CELF2: variants seen among roughly 807,000 people sequenced by gnomAD.
CELF2 encodes the protein CUG triplet repeat RNA-binding protein 2.
CELF2 carries 8 observed loss-of-function variants against 62.6 expected under a neutral mutation model. The ratio of observed to expected loss-of-function variants is 0.13; its 90% confidence interval spans 0.07 to 0.23. CELF2 has a LOEUF of 0.23. CELF2 is among the 10% of genes least tolerant of loss of function. The probability of loss-of-function intolerance (pLI) is 1.00; values close to 1 mark genes in which losing one functional copy is unlikely to be tolerated. For missense variants in CELF2, 333 were observed against 671.0 expected, an observed-to-expected ratio of 0.50 and a Z score of 5.56; for synonymous variants, 258 against 250.0, an observed-to-expected ratio of 1.03 and a Z score of -0.30.
intron 3 of CELF2, among the ~76,000 whole-genome samples, chr10:11,236,736 C>G (rs909221867): frequency 1.3e-5 from 2 of 152,182 alleles, no homozygotes; most frequent in African/African-American, 4.8e-5. Flanking sequence ...AATTACCCAA[C>G]CTAACTTGAA....
intron 2 of CELF2, among the ~76,000 whole-genome samples, chr10:11,194,535 C>G (rs1366679326): frequency 6.6e-6 from 1 of 152,158 alleles, no homozygotes; most frequent in Non-Finnish European, 1.5e-5. Context: ...CCTGAACATT[C>G]AGGGTCCACA....
the CELF2 span, among the ~76,000 whole-genome samples, chr10:10,633,600 G>A: frequency 2.6e-5 from 4 of 151,844 alleles, no homozygotes; most frequent in Non-Finnish European, 5.9e-5. Flanking sequence ...TCACTTTTTT[G>A]TCACATAGAA....
At chr10:10,812,532 C>T (rs1423090972) in intron 1 of CELF2, among the ~76,000 whole-genome samples, 2 of 152,106 alleles carry the variant, frequency 1.3e-5, no homozygotes, top group Admixed American at 6.6e-5. Context: ...TAAAAGTCTC[C>T]GTTCCCCAAA....
intron 2 of CELF2, among the ~76,000 whole-genome samples, chr10:10,992,287 C>A (rs1214999089): frequency 6.6e-6 from 1 of 152,184 alleles, no homozygotes; most frequent in Non-Finnish European, 1.5e-5. Flanking sequence ...GAGTTGGGCT[C>A]AAATCTCCAT....
the CELF2 span, among the ~76,000 whole-genome samples, chr10:10,690,235 G>T: frequency 1.1e-4 from 17 of 152,180 alleles, no homozygotes; most frequent in African/African-American, 3.9e-4. Context: ...CTTTGTGACT[G>T]GTTCATTATG....
At chr10:10,758,280 T>A in the CELF2 span, among the ~76,000 whole-genome samples, 1 of 152,228 alleles carries the variant, frequency 6.6e-6, no homozygotes, top group Non-Finnish European at 1.5e-5. Flanking sequence ...CTATTCTCTG[T>A]GCTGCTTGGT....
intron 2 of CELF2, among the ~76,000 whole-genome samples, chr10:11,185,375 T>C (rs1025000831): frequency 6.6e-6 from 1 of 152,028 alleles, no homozygotes; most frequent in Non-Finnish European, 1.5e-5. Flanking sequence ...CAACCTTGAA[T>C]TGCTGGGATA....
intron 2 of CELF2, among the ~76,000 whole-genome samples, chr10:10,967,393 A>G (rs1009355817): frequency 6.6e-6 from 1 of 152,216 alleles, no homozygotes; most frequent in African/African-American, 2.4e-5. Context: ...GCTTGACTGA[A>G]CACTTTCCTA....
intron 1 of CELF2, among the ~76,000 whole-genome samples, chr10:10,842,067 T>G (rs983928225): frequency 6.6e-6 from 1 of 152,128 alleles, no homozygotes; most frequent in Admixed American, 6.5e-5. Context: ...GTAAATGGTA[T>G]TTTTCATTTC....
rs1046641524 is a variant in CELF2, at chr10:11,297,249, G to A, written c.976+8697G>A. The stretch of plus-strand genomic sequence containing the variant: ...TCAAGTGCACATGAACGGACATTCC[G>A]TGAAATGTGTCCAGCAGCAGTTGGA... On this transcript the variant is annotated intron_variant, in intron 9 of 12. Transcript: ENST00000633077. This position sits in a 1 kb window ranked among gnomAD's most constrained non-coding sequence, Gnocchi z 4.4. Among the ~76,000 whole-genome samples the A allele has an allele frequency of 1.3e-5, 2 of 152,180 alleles. No individual in the cohort carries two copies. The highest frequency in any genetic ancestry group is 6.5e-5 in the Admixed American group (1 of 15,274).
At chr10:11,240,894 G>A (rs1275952452) in intron 3 of CELF2, among the ~76,000 whole-genome samples, 3 of 152,124 alleles carry the variant, frequency 2.0e-5, no homozygotes, top group Non-Finnish European at 4.4e-5. Flanking sequence ...CATGACAGGC[G>A]GCGTGGGGTA....
chr10:10,618,924 T>C, the CELF2 span, among the ~76,000 whole-genome samples: 8 of 152,112 alleles, frequency 5.3e-5, no homozygotes, highest in Non-Finnish European at 1.0e-4. Context: ...GCATGAGAGA[T>C]TAGTTGAACC....
chr10:10,858,541 C>T (rs1018651450), intron 1 of CELF2, among the ~76,000 whole-genome samples: 2 of 152,106 alleles, frequency 1.3e-5, no homozygotes, highest in Non-Finnish European at 2.9e-5. Context: ...TCCCATCACA[C>T]GCTATATTCT....
rs2064754542 is a variant in CELF2 at position 11,157,464 on chromosome 10, G to T, written c.75-8022G>T. On this transcript the variant is annotated intron_variant, in intron 1 of 12. Transcript: ENST00000633077. This position sits in a 1 kb window ranked among gnomAD's most constrained non-coding sequence, Gnocchi z 4.9. ...TGCAGCATAGTTCAGAATGCCAAAT[G>T]CCCAATCCCCTTGGCTTAATGAGTC... 6.6e-6 allele frequency among the ~76,000 whole-genome samples: 1 copy of T among 152,012 alleles called. No individual in the cohort carries two copies. Among genetic ancestry groups the T allele is most frequent in the Admixed American group, 6.6e-5 (1 of 15,250 alleles).
chr10:10,480,079 G>A, the CELF2 span, among the ~76,000 whole-genome samples: 11 of 152,224 alleles, frequency 7.2e-5, no homozygotes, highest in Admixed American at 5.2e-4. Context: ...ACTTCAGCGG[G>A]TCTTCGGAAA....
chr10:11,093,311 T>G (rs551273986), intron 1 of CELF2, among the ~76,000 whole-genome samples: 1 of 152,320 alleles, frequency 6.6e-6, no homozygotes, highest in Admixed American at 6.5e-5. Context: ...GATTGGGGCT[T>G]AGTCTTGAAA....
chr10:11,197,060 A>G (rs1289002376), intron 2 of CELF2, among the ~76,000 whole-genome samples: 1 of 106,544 alleles, frequency 9.4e-6, no homozygotes, highest in African/African-American at 4.2e-5. Context: ...AAAGAAAGAA[A>G]AGAAAGAAAG....
At chr10:11,152,469 G>C (rs2063522905) in intron 1 of CELF2, among the ~76,000 whole-genome samples, 1 of 152,260 alleles carries the variant, frequency 6.6e-6, no homozygotes, top group South Asian at 2.1e-4. Flanking sequence ...CAAGGTGTCA[G>C]ATAGCATCAG....
At chr10:10,681,719 T>C in the CELF2 span, among the ~76,000 whole-genome samples, 34,707 of 152,082 alleles carry the variant, frequency 0.23, 4,165 homozygotes, top group South Asian at 0.43. Flanking sequence ...CAAGTCCTAG[T>C]CTAGGTTCAT....
Sources: gnomAD v4.1 joint callset for allele counts (sites outside exome capture counted in the v4.1 genomes callset) on GRCh38, gnomAD v4.1.1 for gene constraint, Gnocchi (gnomAD v3.1) non-coding constraint, MANE v1.5 for transcripts, NCBI Gene and HGNC (gene_info 2026-07-23, HGNC 2026-07-21) for gene names.